STK32B: variants seen among roughly 807,000 people sequenced by gnomAD.
The protein encoded by STK32B is serine/threonine kinase 32B.
In STK32B, 43 loss-of-function variants were observed where a neutral mutation model predicts 52.6. The observed-to-expected ratio is 0.82, with a 90% CI of 0.64 to 1.05. STK32B has a LOEUF of 1.05. STK32B is among the 50% of genes least tolerant of loss of function. STK32B has a pLI of 0.00. For missense variants in STK32B, 621 were observed against 534.6 expected (o/e 1.16, Z -1.59); for synonymous variants, 238 against 204.3 (o/e 1.17, Z -1.41).
At chr4:5,148,670 A>G (rs928509765) in intron 2 of STK32B, among the ~76,000 whole-genome samples, 1 of 151,898 alleles carries the variant, frequency 6.6e-6, no homozygotes. Context: ...TAGTAAACAC[A>G]GTATACCCAC....
At chr4:5,374,578 G>A (rs887212738) in intron 4 of STK32B, among the ~76,000 whole-genome samples, 1 of 152,018 alleles carries the variant, frequency 6.6e-6, no homozygotes, top group Admixed American at 6.5e-5. Flanking sequence ...AGTGTCTGGC[G>A]AGGGCCTGCT....
chr4:5,209,007 C>T (rs536272881), intron 3 of STK32B, among the ~76,000 whole-genome samples: 1 of 152,336 alleles, frequency 6.6e-6, no homozygotes, highest in African/African-American at 2.4e-5. Flanking sequence ...AAAGTCCTGC[C>T]CAGTTGGGCA....
intron 6 of STK32B, among the ~76,000 whole-genome samples, chr4:5,434,432 ATGTGTGTGTGTGTG>A (rs544048239): frequency 6.9e-6 from 1 of 145,708 alleles, no homozygotes; most frequent in African/African-American, 2.6e-5. Context: ...GTGTGCATGT[ATGTGTGTGTGTGTG>A]TGTGTGTGTA....
intron 3 of STK32B, among the ~76,000 whole-genome samples, chr4:5,323,711 G>T (rs1731678429): frequency 6.6e-6 from 1 of 152,152 alleles, no homozygotes; most frequent in African/African-American, 2.4e-5. Context: ...AGGCGTTTGT[G>T]GCTTTTTCAT....
chr4:5,444,565 C>G (rs913590996), intron 6 of STK32B, among the ~76,000 whole-genome samples: 1 of 152,190 alleles, frequency 6.6e-6, no homozygotes, highest in Non-Finnish European at 1.5e-5. Context: ...CCGTCTTCTG[C>G]GTCGCTCACA....
At chr4:5,370,660 A>G (rs1297097312) in intron 4 of STK32B, among the ~76,000 whole-genome samples, 1 of 151,982 alleles carries the variant, frequency 6.6e-6, no homozygotes, top group Non-Finnish European at 1.5e-5. Context: ...ACCTCAAATG[A>G]GGTTTTCACC....
At chr4:5,385,534 T>G (rs1368812504) in intron 4 of STK32B, among the ~76,000 whole-genome samples, 1 of 151,946 alleles carries the variant, frequency 6.6e-6, no homozygotes, top group Non-Finnish European at 1.5e-5. Context: ...AAAGGCAGTG[T>G]TTCCAGAGGC....
At chr4:5,345,009 C>G (rs1251599617) in intron 4 of STK32B, among the ~76,000 whole-genome samples, 1 of 151,464 alleles carries the variant, frequency 6.6e-6, no homozygotes, top group Non-Finnish European at 1.5e-5. Context: ...CTGCTGCACT[C>G]CAGCCTGGGT....
In STK32B at chr4:5,407,393, A is replaced by G. The variant is rs192820373; in HGVS notation, c.472+9149A>G. Among the ~76,000 whole-genome samples, 287 of 152,184 alleles carry G rather than the reference A, an allele frequency of 1.9e-3. 1 individual carries two copies. The highest frequency in any genetic ancestry group is 6.6e-3 in the African/African-American group (273 of 41,504). Reference sequence around the variant, plus strand: ...CTCTTCCAACCTCTGCCAGTTACCCAGTTCCAAAGTCGCTTACATATTTTC... The same window carrying G: ...CTCTTCCAACCTCTGCCAGTTACCCGGTTCCAAAGTCGCTTACATATTTTC... On this transcript the variant is annotated intron_variant, in intron 5 of 11. Transcript: ENST00000282908.
At chr4:5,318,230 G>A (rs1457325010) in intron 3 of STK32B, among the ~76,000 whole-genome samples, 1 of 152,136 alleles carries the variant, frequency 6.6e-6, no homozygotes, top group African/African-American at 2.4e-5. Context: ...TAAATGTTAT[G>A]AAGAGAGGTT....
intron 1 of STK32B, among the ~76,000 whole-genome samples, chr4:5,127,954 A>G (rs1051368491): frequency 1.9e-4 from 29 of 152,188 alleles, no homozygotes; most frequent in African/African-American, 6.8e-4. Flanking sequence ...TTACCATATA[A>G]GATGTGACTT....
At chr4:5,176,438 CTTT>C (rs34628636) in intron 3 of STK32B, among the ~76,000 whole-genome samples, 3 of 111,956 alleles carry the variant, frequency 2.7e-5, no homozygotes, top group Admixed American at 1.0e-4. Context: ...CGGCCATCAT[CTTT>C]TTTTTTTTTT....
intron 1 of STK32B, among the ~76,000 whole-genome samples, chr4:5,079,295 C>G (rs910775229): frequency 6.6e-6 from 1 of 152,026 alleles, no homozygotes; most frequent in Non-Finnish European, 1.5e-5. Flanking sequence ...TAAAACTGCA[C>G]TTTTTGCTGT....
chr4:5,389,288 C>T (rs1736449659), intron 4 of STK32B, among the ~76,000 whole-genome samples: 1 of 152,192 alleles, frequency 6.6e-6, no homozygotes, highest in Admixed American at 6.5e-5. Context: ...TACTGCCTAC[C>T]TGTGTTTGTC....
At chr4:5,123,202 C>T (rs185842446) in intron 1 of STK32B, among the ~76,000 whole-genome samples, 1 of 152,212 alleles carries the variant, frequency 6.6e-6, no homozygotes, top group East Asian at 1.9e-4. Flanking sequence ...AGGTGTTGCT[C>T]CACACTTCTC....
intron 6 of STK32B, among the ~76,000 whole-genome samples, chr4:5,440,877 C>G (rs1294107177): frequency 2.0e-5 from 3 of 151,380 alleles, no homozygotes; most frequent in Admixed American, 1.3e-4. Context: ...TGGTTTTTGT[C>G]TTTAGTTCTG....
Position 5,194,281 on chromosome 4 carries a change from G to C in STK32B, c.260+25831G>C, listed in dbSNP as rs193093669. Among the ~76,000 whole-genome samples the C allele has an allele frequency of 1.3e-3, 193 of 152,290 alleles. 2 individuals carry two copies. Among genetic ancestry groups the C allele is most frequent in the Non-Finnish European group, 2.3e-3 (157 of 68,034 alleles). ...TAGTATCTGGCACATGTAAGCATTT[G>C]ATCATATGTATGTTATGTTGAATTA... On this transcript the variant is annotated intron_variant, in intron 3 of 11. Coordinates refer to ENST00000282908, the MANE Select transcript of STK32B (RefSeq NM_018401.3).
intron 3 of STK32B, among the ~76,000 whole-genome samples, chr4:5,289,991 T>G (rs921015624): frequency 1.3e-5 from 2 of 152,222 alleles, no homozygotes; most frequent in East Asian, 3.9e-4. Flanking sequence ...ATAGGTAGTT[T>G]TTCAATCTTC....
At chr4:5,371,372 G>A (rs1735230339) in intron 4 of STK32B, among the ~76,000 whole-genome samples, 1 of 152,144 alleles carries the variant, frequency 6.6e-6, no homozygotes, top group Non-Finnish European at 1.5e-5. Flanking sequence ...TATCAAAGGT[G>A]AGGGTTTCTT....
Sources: allele counts gnomAD v4.1 joint callset (sites outside exome capture counted in the v4.1 genomes callset), GRCh38; gene constraint gnomAD v4.1.1; transcripts MANE v1.5; gene names NCBI Gene and HGNC (gene_info 2026-07-23, HGNC 2026-07-21).